Variants in COMMD1 observed in about 807,000 individuals in gnomAD.
COMMD1 encodes copper metabolism domain containing 1, also known as COMM domain-containing protein 1.
COMMD1 carries 10 observed loss-of-function variants against 17.2 expected under a neutral mutation model. The ratio of observed to expected loss-of-function variants is 0.58; its 90% CI spans 0.36 to 0.99. The LOEUF (loss-of-function observed/expected upper bound fraction) is 0.99. COMMD1 is among the 50% of genes least tolerant of loss of function. COMMD1 has a pLI of 0.01. For missense variants in COMMD1, 270 were observed against 231.8 expected (o/e 1.17, Z -1.07); for synonymous variants, 97 against 91.6 (o/e 1.06, Z -0.34).
intron 1 of COMMD1, among the ~76,000 whole-genome samples, chr2:61,983,320 G>T (rs188973832): frequency 9.6e-4 from 146 of 151,910 alleles, no homozygotes; most frequent in African/African-American, 3.4e-3. Flanking sequence ...CTCCTGAGTA[G>T]TTAGGACTAC....
intron 1 of COMMD1, among the ~76,000 whole-genome samples, chr2:61,906,316 C>A (rs1352741506): frequency 6.6e-6 from 1 of 152,200 alleles, no homozygotes; most frequent in African/African-American, 2.4e-5. Flanking sequence ...GTTAAAAGAG[C>A]ATAATTACCA....
At chr2:61,918,673 C>T (rs189308270) in intron 1 of COMMD1, 1 of 152,264 alleles carries the variant, frequency 6.6e-6, no homozygotes, top group East Asian at 1.9e-4. Flanking sequence ...TAAATACATA[C>T]TAAACCCCTA....
At chr2:62,012,507 G>T (rs527975850) in intron 2 of COMMD1, among the ~76,000 whole-genome samples, 1 of 151,930 alleles carries the variant, frequency 6.6e-6, no homozygotes, top group Non-Finnish European at 1.5e-5. Flanking sequence ...TAGTAGAGAC[G>T]GGGTTTCTCC....
chr2:62,073,593 T>C (rs1420934014), intron 2 of COMMD1, among the ~76,000 whole-genome samples: 1 of 152,252 alleles, frequency 6.6e-6, no homozygotes, highest in East Asian at 1.9e-4. Context: ...TTCCCTAAAA[T>C]GCTTAAAACC....
intron 2 of COMMD1, among the ~76,000 whole-genome samples, chr2:62,126,260 G>A (rs1317575153): frequency 6.6e-6 from 1 of 152,178 alleles, no homozygotes; most frequent in East Asian, 1.9e-4. Flanking sequence ...TTAATAGAAT[G>A]ATTTATATTC....
At chr2:62,131,530 T>TCCTTTC (rs1010663208) in intron 2 of COMMD1, among the ~76,000 whole-genome samples, 1 of 152,182 alleles carries the variant, frequency 6.6e-6, no homozygotes, top group South Asian at 2.1e-4. Flanking sequence ...TTTTTCCTTT[T>TCCTTTC]CCTTTCCCTT....
intron 2 of COMMD1, among the ~76,000 whole-genome samples, chr2:62,070,943 A>T (rs1671184721): frequency 6.6e-6 from 1 of 152,194 alleles, no homozygotes; most frequent in Non-Finnish European, 1.5e-5. Context: ...AGGCAGGAGA[A>T]TCACTTGAAC....
intron 2 of COMMD1, among the ~76,000 whole-genome samples, chr2:62,102,583 C>T: frequency 6.6e-6 from 1 of 152,054 alleles, no homozygotes. Flanking sequence ...TTTTTCTGAC[C>T]TTCTGCCCCC....
intron 1 of COMMD1, among the ~76,000 whole-genome samples, chr2:61,889,699 G>A (rs568711239): frequency 6.6e-6 from 1 of 152,242 alleles, no homozygotes; most frequent in Admixed American, 6.5e-5. Context: ...TAGTTATCTC[G>A]TATTGGTTGA....
Position 62,055,811 on chromosome 2 carries a change from T to G in COMMD1, c.462+54829T>G, listed in dbSNP as rs115540613. Among the ~76,000 whole-genome samples the G allele has an allele frequency of 8.1e-3, 1,231 of 152,218 alleles. 20 individuals carry two copies. Among genetic ancestry groups the G allele is most frequent in the African/African-American group, 0.028 (1,165 of 41,532 alleles). On this transcript the variant is annotated intron_variant, in intron 2 of 2. Coordinates refer to ENST00000311832, the MANE Select transcript of COMMD1 (RefSeq NM_152516.4). ...TGTTCCTCTCAGCTAGCACCATAAG[T>G]AGTTGAATTGATTGAATAGAGGATA...
Position 62,097,641 on chromosome 2 carries a change from A to G in COMMD1, c.463-38190A>G, listed in dbSNP as rs376698670. 3.9e-5 allele frequency among the ~76,000 whole-genome samples: 6 copies of G among 152,314 alleles called. No individual in the cohort carries two copies. The East Asian group carries it at 9.7e-4, about 25-fold the overall frequency. ...GTATGGGGGTACTATCTACTATAAGAAAAAGGTGATGCCTCACTAGTCCTC... is the reference window on the plus strand; with the variant it reads ...GTATGGGGGTACTATCTACTATAAGGAAAAGGTGATGCCTCACTAGTCCTC... On this transcript the variant is annotated intron_variant, in intron 2 of 2. Coordinates refer to ENST00000311832, the MANE Select transcript of COMMD1 (RefSeq NM_152516.4).
intron 1 of COMMD1, among the ~76,000 whole-genome samples, chr2:61,978,394 TG>T (rs1671863016): frequency 6.6e-6 from 1 of 152,194 alleles, no homozygotes; most frequent in African/African-American, 2.4e-5. Context: ...GGGACTTATT[TG>T]GGACTAAAAG....
intron 1 of COMMD1, among the ~76,000 whole-genome samples, chr2:61,925,015 G>T (rs982347048): frequency 6.6e-6 from 1 of 152,166 alleles, no homozygotes; most frequent in Non-Finnish European, 1.5e-5. Context: ...AGAGACAGAC[G>T]GTCAAGGGTT....
chr2:62,093,340 T>C (rs1259924942), intron 2 of COMMD1, among the ~76,000 whole-genome samples: 1 of 152,216 alleles, frequency 6.6e-6, no homozygotes, highest in African/African-American at 2.4e-5. Context: ...ATCAAGCGTA[T>C]ACCTTTTGGG....
At chr2:62,054,163 C>A (rs1573122192) in intron 2 of COMMD1, among the ~76,000 whole-genome samples, 1 of 152,158 alleles carries the variant, frequency 6.6e-6, no homozygotes, top group African/African-American at 2.4e-5. Context: ...TATCATCTTA[C>A]CCCAGTCAGA....
intron 1 of COMMD1, among the ~76,000 whole-genome samples, chr2:61,989,589 A>G (rs1416565735): frequency 6.6e-6 from 1 of 151,414 alleles, no homozygotes; most frequent in Non-Finnish European, 1.5e-5. Flanking sequence ...CCTCCCAAGT[A>G]GCTGGGATTA....
At chr2:61,935,355 G>A (rs539722273) in intron 1 of COMMD1, among the ~76,000 whole-genome samples, 56 of 152,326 alleles carry the variant, frequency 3.7e-4, no homozygotes, top group African/African-American at 9.9e-4. Context: ...CTGGCTGGAC[G>A]TGGTGGCTAA....
At chr2:61,912,554 G>A (rs985971771) in intron 1 of COMMD1, among the ~76,000 whole-genome samples, 8 of 152,158 alleles carry the variant, frequency 5.3e-5, no homozygotes, top group African/African-American at 1.9e-4. Context: ...AGCCAACATG[G>A]TGAAATTCCA....
chr2:62,055,958 TG>T (rs1413392221), intron 2 of COMMD1, among the ~76,000 whole-genome samples: 1 of 152,256 alleles, frequency 6.6e-6, no homozygotes, highest in Non-Finnish European at 1.5e-5. Flanking sequence ...TTCAGGAGGA[TG>T]TGCATGAGGA....
Sources: gnomAD v4.1 joint callset for allele counts (sites outside exome capture counted in the v4.1 genomes callset) on GRCh38, gnomAD v4.1.1 for gene constraint, MANE v1.5 for transcripts, NCBI Gene and HGNC (gene_info 2026-07-23, HGNC 2026-07-21) for gene names.